IL1RAPL2: variants seen among roughly 807,000 people sequenced by gnomAD.
The protein encoded by IL1RAPL2 is X-linked interleukin-1 receptor accessory protein-like 2.
IL1RAPL2 carries 3 observed loss-of-function variants against 44.1 expected under a neutral mutation model. The ratio of observed to expected loss-of-function variants is 0.07; its 90% CI spans 0.03 to 0.18. The LOEUF (loss-of-function observed/expected upper bound fraction) is 0.18. Ranked by LOEUF, IL1RAPL2 falls within the 10% of genes least tolerant of loss-of-function variation. The pLI is 1.00. For synonymous variants in IL1RAPL2, 181 were observed against 178.8 expected, an observed-to-expected ratio of 1.01 and a Z score of -0.10; for missense variants, 391 against 496.4, an observed-to-expected ratio of 0.79 and a Z score of 2.02.
chrX:104,580,528 T>A (rs1404071317), intron 1 of IL1RAPL2, among the ~76,000 whole-genome samples: 1 of 112,444 alleles, frequency 8.9e-6, no homozygotes, highest in African/African-American at 3.2e-5. Flanking sequence ...TCAGGCAACC[T>A]GAAATACTGA....
chrX:104,848,443 AT>A (rs1922125368), intron 2 of IL1RAPL2, among the ~76,000 whole-genome samples: 1 of 90,271 alleles, frequency 1.1e-5, no homozygotes, highest in Non-Finnish European at 2.1e-5. Flanking sequence ...ATATATATAT[AT>A]ATATATAACT....
chrX:105,767,163 G>A lies in IL1RAPL2; in HGVS notation c.1563G>A (p.Val521=). 2 of 1,210,144 alleles carry A rather than the reference G, an allele frequency of 1.7e-6. No homozygotes were observed. Among genetic ancestry groups the A allele is most frequent in the East Asian group, 3.0e-5 (1 of 33,830 alleles). Residue 521 remains valine (V), a synonymous_variant, in exon 11 of 11, where the codon GTG becomes GTA. Transcript: ENST00000372582. ...ELKGKVNCQE[V]ESLKRSIKLL... is the part of the protein sequence containing the mutation. Reference sequence around the variant, plus strand: ...AAGGGAAAGTGAATTGCCAGGAAGTGGAATCACTAAAGCGTAGCATCAAAC... The same window carrying A: ...AAGGGAAAGTGAATTGCCAGGAAGTAGAATCACTAAAGCGTAGCATCAAAC...
chrX:105,372,208 G>A (rs1160321452), intron 5 of IL1RAPL2, among the ~76,000 whole-genome samples: 1 of 110,710 alleles, frequency 9.0e-6, no homozygotes, highest in Admixed American at 9.7e-5. Context: ...GGCCGAGGTG[G>A]GCAGATCACT....
intron 5 of IL1RAPL2, among the ~76,000 whole-genome samples, chrX:105,447,067 G>T (rs1602415811): frequency 5.0e-5 from 1 of 20,024 alleles, no homozygotes; most frequent in Non-Finnish European, 1.1e-4. Flanking sequence ...TAGTATATCT[G>T]GTTAAAATTA....
intron 2 of IL1RAPL2, among the ~76,000 whole-genome samples, chrX:104,747,963 C>T (rs1375010390): frequency 9.0e-6 from 1 of 111,615 alleles, no homozygotes; most frequent in Non-Finnish European, 1.9e-5. Context: ...TACACCCCCT[C>T]CTCATGCCCA....
chrX:104,684,418 G>A (rs773709886), intron 2 of IL1RAPL2, among the ~76,000 whole-genome samples: 5 of 111,902 alleles, frequency 4.5e-5, no homozygotes, highest in Non-Finnish European at 9.4e-5. Context: ...ATGCAGAGGT[G>A]CAGGGAACCA....
At chrX:104,911,076 CATT>C (rs1280740291) in intron 2 of IL1RAPL2, among the ~76,000 whole-genome samples, 1 of 111,644 alleles carries the variant, frequency 9.0e-6, no homozygotes, top group African/African-American at 3.2e-5. Flanking sequence ...AATTGATCAA[CATT>C]ATCTCAAGAA....
At chrX:104,976,201 G>T (rs2030331204) in intron 2 of IL1RAPL2, among the ~76,000 whole-genome samples, 1 of 111,538 alleles carries the variant, frequency 9.0e-6, no homozygotes, top group Non-Finnish European at 1.9e-5. Flanking sequence ...ATTTGAATTT[G>T]CTCCAATAGC....
chrX:105,751,628 G>A (rs985297066), intron 9 of IL1RAPL2, among the ~76,000 whole-genome samples: 1 of 111,533 alleles, frequency 9.0e-6, no homozygotes, highest in African/African-American at 3.3e-5. Context: ...TCATTGTTTG[G>A]GGGGAAATGC....
At chrX:105,689,813 C>T (rs1261014649) in intron 6 of IL1RAPL2, among the ~76,000 whole-genome samples, 2 of 112,045 alleles carry the variant, frequency 1.8e-5, no homozygotes, top group Non-Finnish European at 3.8e-5. Context: ...GACTTGAAAC[C>T]AACCCAAATG....
chrX:105,653,283 T>TA (rs2037653979), intron 6 of IL1RAPL2, among the ~76,000 whole-genome samples: 3 of 111,550 alleles, frequency 2.7e-5, no homozygotes, highest in Non-Finnish European at 5.7e-5. Context: ...TGCATGAGAA[T>TA]GTGACACATC....
At chrX:104,803,280 A>C (rs1770015676) in intron 2 of IL1RAPL2, among the ~76,000 whole-genome samples, 2 of 111,926 alleles carry the variant, frequency 1.8e-5, no homozygotes, top group South Asian at 7.4e-4. Context: ...TAATTTTCAA[A>C]TATTTCTTGT....
At chrX:105,344,971 T>TG (rs1229983099) in intron 5 of IL1RAPL2, among the ~76,000 whole-genome samples, 3 of 111,949 alleles carry the variant, frequency 2.7e-5, no homozygotes, top group Non-Finnish European at 5.6e-5. Flanking sequence ...CATTCAAAGA[T>TG]GGCTTTCCCC....
intron 2 of IL1RAPL2, among the ~76,000 whole-genome samples, chrX:105,175,334 G>A (rs1658579055): frequency 9.0e-6 from 1 of 111,214 alleles, no homozygotes; most frequent in Non-Finnish European, 1.9e-5. Context: ...AGCATTAATT[G>A]CAATTATAGT....
At chrX:104,582,584 T>C (rs367545366) in intron 1 of IL1RAPL2, among the ~76,000 whole-genome samples, 1 of 37,310 alleles carries the variant, frequency 2.7e-5, no homozygotes, top group Non-Finnish European at 6.4e-5. Flanking sequence ...TTCTTTTTCT[T>C]TCTTTCTTTC....
chrX:104,725,707 C>A (rs752335493), intron 2 of IL1RAPL2, among the ~76,000 whole-genome samples: 1 of 111,833 alleles, frequency 8.9e-6, no homozygotes, highest in East Asian at 2.8e-4. Context: ...TGTTCATATC[C>A]TTTGCCCACT....
intron 6 of IL1RAPL2, among the ~76,000 whole-genome samples, chrX:105,623,750 T>G: frequency 9.0e-6 from 1 of 111,730 alleles, no homozygotes; most frequent in Middle Eastern, 4.7e-3. Context: ...ATTTGAGCAC[T>G]GCTAAAAATT....
intron 2 of IL1RAPL2, among the ~76,000 whole-genome samples, chrX:104,728,418 C>A (rs1399254376): frequency 9.0e-6 from 1 of 111,421 alleles, no homozygotes; most frequent in Non-Finnish European, 1.9e-5. Context: ...GTTGATGAAC[C>A]ACTTACAGGT....
chrX:104,685,270 T>G (rs1429533851), intron 2 of IL1RAPL2, among the ~76,000 whole-genome samples: 1 of 112,122 alleles, frequency 8.9e-6, no homozygotes, highest in East Asian at 2.8e-4. Flanking sequence ...CATGACTAAT[T>G]GAGCAGTAGG....
Sources: gnomAD v4.1 joint callset for allele counts (sites outside exome capture counted in the v4.1 genomes callset) on GRCh38, gnomAD v4.1.1 for gene constraint, MANE v1.5 for transcripts, NCBI Gene and HGNC (gene_info 2026-07-23, HGNC 2026-07-21) for gene names.